The following FER variants were observed in gnomAD, a reference collection of about 807,000 sequenced individuals.
The protein encoded by FER is tyrosine-protein kinase Fer.
FER carries 63 observed loss-of-function variants against 111.0 expected under a neutral mutation model. The ratio of observed to expected loss-of-function variants is 0.57; its 90% CI spans 0.46 to 0.70. The LOEUF is 0.70. FER is among the 30% of genes least tolerant of loss of function. The pLI, the probability that FER is intolerant of heterozygous loss-of-function variation, is 0.00. For synonymous variants in FER, 327 were observed against 313.9 expected (o/e 1.04, Z -0.44); for missense variants, 914 against 954.0 (o/e 0.96, Z 0.55).
At chr5:109,185,993 T>C (rs541609630) in intron 18 of FER, among the ~76,000 whole-genome samples, 1 of 152,318 alleles carries the variant, frequency 6.6e-6, no homozygotes, top group African/African-American at 2.4e-5. Flanking sequence ...GGTAATGTGT[T>C]ATACTATGAC....
intron 5 of FER, among the ~76,000 whole-genome samples, chr5:108,855,174 G>C (rs1190421840): frequency 6.6e-6 from 1 of 152,056 alleles, no homozygotes; most frequent in East Asian, 1.9e-4. Flanking sequence ...AGCAGTTCCA[G>C]GGAGAGGTCT....
intron 2 of FER, among the ~76,000 whole-genome samples, chr5:108,776,248 A>T (rs1030470230): frequency 1.3e-5 from 2 of 152,102 alleles, no homozygotes; most frequent in Non-Finnish European, 2.9e-5. Flanking sequence ...GTTTTTATTC[A>T]CGTATTTCTG....
chr5:108,796,549 G>C (rs997472962), intron 2 of FER, among the ~76,000 whole-genome samples: 3 of 152,102 alleles, frequency 2.0e-5, no homozygotes, highest in Admixed American at 2.0e-4. Flanking sequence ...TCTACCTGAT[G>C]CCCTATTCTA....
At chr5:109,129,084 T>G (rs1752063916) in intron 17 of FER, among the ~76,000 whole-genome samples, 1 of 151,998 alleles carries the variant, frequency 6.6e-6, no homozygotes, top group Non-Finnish European at 1.5e-5. Context: ...TTTAAATCAG[T>G]GGATTACTTT....
intron 10 of FER, among the ~76,000 whole-genome samples, chr5:108,911,260 G>A (rs1287029721): frequency 6.6e-6 from 1 of 151,958 alleles, no homozygotes; most frequent in Non-Finnish European, 1.5e-5. Context: ...TTGGTCATGT[G>A]TATGTCTTCT....
At chr5:109,185,740 G>T (rs1343343126) in intron 18 of FER, among the ~76,000 whole-genome samples, 5 of 152,112 alleles carry the variant, frequency 3.3e-5, no homozygotes, top group African/African-American at 1.2e-4. Context: ...CCAGTAAAGA[G>T]AATAGGAAGA....
chr5:108,868,426 A>G (rs1249014589), intron 6 of FER, among the ~76,000 whole-genome samples: 1 of 152,092 alleles, frequency 6.6e-6, no homozygotes, highest in Non-Finnish European at 1.5e-5. Context: ...TATAGAGATG[A>G]GCAGGGCACA....
intron 3 of FER, among the ~76,000 whole-genome samples, chr5:108,831,885 T>C (rs867329080): frequency 5.9e-5 from 9 of 152,326 alleles, no homozygotes; most frequent in Middle Eastern, 6.8e-3. Context: ...TTAAAAAATA[T>C]CTTTTGGATC....
intron 13 of FER, among the ~76,000 whole-genome samples, chr5:109,034,342 C>T (rs746065950): frequency 6.6e-6 from 1 of 152,260 alleles, no homozygotes; most frequent in Non-Finnish European, 1.5e-5. Context: ...TAATTTGGTT[C>T]AATCCATGAT....
intron 8 of FER, among the ~76,000 whole-genome samples, chr5:108,875,107 C>T (rs1341880316): frequency 6.6e-6 from 1 of 152,106 alleles, no homozygotes; most frequent in African/African-American, 2.4e-5. Flanking sequence ...CATTATTTAT[C>T]TATCAGCCAT....
At chr5:109,104,719 A>T (rs1748669789) in intron 17 of FER, among the ~76,000 whole-genome samples, 1 of 152,176 alleles carries the variant, frequency 6.6e-6, no homozygotes, top group Non-Finnish European at 1.5e-5. Flanking sequence ...GTATAATCTC[A>T]TGAAAATGTA....
At chr5:108,851,633 A>G (rs141863177) in intron 5 of FER, among the ~76,000 whole-genome samples, 84 of 152,356 alleles carry the variant, frequency 5.5e-4, no homozygotes, top group African/African-American at 1.6e-3. Flanking sequence ...ACCATATTTA[A>G]TTGTATGGTA....
chr5:108,808,996 C>A (rs370826860), intron 3 of FER, among the ~76,000 whole-genome samples: 1 of 152,006 alleles, frequency 6.6e-6, no homozygotes, highest in Admixed American at 6.5e-5. Context: ...TGTGATCTGA[C>A]CTTTTTCTCA....
chr5:109,156,000 A>T (rs560810689), intron 17 of FER, among the ~76,000 whole-genome samples: 101 of 152,184 alleles, frequency 6.6e-4, no homozygotes, highest in African/African-American at 2.2e-3. Flanking sequence ...AAGTTTTTTT[A>T]AAAAAGTAAG....
intron 3 of FER, among the ~76,000 whole-genome samples, chr5:108,817,190 A>G (rs1371546449): frequency 4.7e-5 from 7 of 148,860 alleles, no homozygotes; most frequent in African/African-American, 2.4e-5. Context: ...AGTCCAGGGA[A>G]ACCGTGAAGC....
intron 5 of FER, among the ~76,000 whole-genome samples, chr5:108,837,801 G>C (rs755314673): frequency 2.6e-5 from 4 of 152,078 alleles, no homozygotes; most frequent in Non-Finnish European, 4.4e-5. Flanking sequence ...ACACCATTTA[G>C]TATTGTATTA....
intron 16 of FER, among the ~76,000 whole-genome samples, chr5:109,096,959 TATAAATATATA>T (rs1747609786): frequency 2.0e-5 from 3 of 148,170 alleles, no homozygotes; most frequent in African/African-American, 7.3e-5. Context: ...TGTAACAGTA[TATAAATATATA>T]ATAAATATAT....
chr5:108,781,085 T>C (rs1050965298), intron 2 of FER, among the ~76,000 whole-genome samples: 10 of 152,214 alleles, frequency 6.6e-5, no homozygotes, highest in African/African-American at 2.4e-4. Context: ...TTAGAACCCT[T>C]AGCATATTAA....
intron 2 of FER, among the ~76,000 whole-genome samples, chr5:108,792,212 T>C (rs1354119200): frequency 6.6e-6 from 1 of 152,228 alleles, no homozygotes; most frequent in Non-Finnish European, 1.5e-5. Context: ...TCAAGTTCTA[T>C]AAAAAAGCTA....
Sources: gnomAD v4.1 joint callset for allele counts (sites outside exome capture counted in the v4.1 genomes callset) on GRCh38, gnomAD v4.1.1 for gene constraint, MANE v1.5 for transcripts, NCBI Gene and HGNC (gene_info 2026-07-23, HGNC 2026-07-21) for gene names.